Variants in PRDM11 observed in about 807,000 individuals in gnomAD.
PRDM11 encodes the protein PR/SET domain 11, also known as PR domain-containing protein 11.
A neutral mutation model predicts 97.8 loss-of-function variants in PRDM11; 20 were observed. The ratio of observed to expected loss-of-function variants is 0.20; its 90% confidence interval spans 0.14 to 0.30. PRDM11 has a LOEUF of 0.30. Ranked by LOEUF, PRDM11 falls within the 10% of genes least tolerant of loss-of-function variation. PRDM11 has a pLI of 1.00. For missense variants in PRDM11, 1,139 were observed against 1,555.2 expected (o/e 0.73, Z 4.50); for synonymous variants, 599 against 637.7 (o/e 0.94, Z 0.91).
chr11:45,214,894 A>G (rs185812711), intron 5 of PRDM11, among the ~76,000 whole-genome samples: 8 of 152,268 alleles, frequency 5.3e-5, no homozygotes, highest in Non-Finnish European at 8.8e-5. Context: ...GATTCTATAA[A>G]CTGCCAGATT....
In PRDM11 at chr11:45,157,349, G is replaced by T. The variant is rs550355287; in HGVS notation, c.-7+10472G>T. Among the ~76,000 whole-genome samples, 199 of 152,216 alleles carry T rather than the reference G, an allele frequency of 1.3e-3. 1 individual carries two copies. The highest frequency in any genetic ancestry group is 4.7e-3 in the African/African-American group (194 of 41,522). Reference sequence around the variant, plus strand: ...AAAGGAGCACACTCCTAGAGCCCTCGCATGCGCAGTTCACGGTAGGGTTCG... The same window carrying T: ...AAAGGAGCACACTCCTAGAGCCCTCTCATGCGCAGTTCACGGTAGGGTTCG... On this transcript the variant is annotated intron_variant, in intron 1 of 7. Coordinates refer to ENST00000683152, the MANE Select transcript of PRDM11 (RefSeq NM_001384648.1).
chr11:45,110,372 A>G (rs1307866801), intron 1 of PRDM11, among the ~76,000 whole-genome samples: 1 of 152,134 alleles, frequency 6.6e-6, no homozygotes, highest in Non-Finnish European at 1.5e-5. Flanking sequence ...AGGAAAACGT[A>G]AAAGGGGGGT....
chr11:45,141,450 C>T (rs771577759), intron 1 of PRDM11, among the ~76,000 whole-genome samples: 48 of 152,226 alleles, frequency 3.2e-4, no homozygotes, highest in Admixed American at 1.3e-4. Context: ...TAAATGTTTA[C>T]TGTCTTCAGC....
rs1043325665 is a variant in PRDM11 at position 45,228,230 on chromosome 11, T to G, written c.*71T>G. On this transcript the variant is annotated 3_prime_UTR_variant, in exon 8 of 8. Transcript: ENST00000683152. ...ATCTATACTCATAAGCTTTGATATA[T>G]TATATAAATATATATTATATTATAT... 22 of 461,186 alleles carry G rather than the reference T, an allele frequency of 4.8e-5. No individual in the cohort carries two copies. The highest frequency in any genetic ancestry group is 6.4e-5 in the Non-Finnish European group (22 of 341,214). The allele number at this position is 461,186 out of a possible 1,614,324, so 28.6% of individuals were successfully genotyped here. A position where few individuals can be genotyped will look rare whatever the true frequency, so the allele number is the denominator to read the frequency against.
At chr11:45,157,313 G>A (rs148452981) in intron 1 of PRDM11, among the ~76,000 whole-genome samples, 11 of 152,166 alleles carry the variant, frequency 7.2e-5, no homozygotes, top group South Asian at 2.1e-4. Context: ...TCAGGCATTC[G>A]TTCAATTCTC....
intron 1 of PRDM11, among the ~76,000 whole-genome samples, chr11:45,111,939 T>C (rs1852191051): frequency 7.3e-6 from 1 of 136,706 alleles, no homozygotes; most frequent in South Asian, 2.5e-4. Context: ...TGAGTACCTC[T>C]TTTTTTAGCT....
Position 45,219,617 on chromosome 11 carries a change from TC to T in PRDM11, c.604del (p.Gln202SerfsTer29). On this transcript the variant is annotated frameshift_variant, in exon 6 of 8. Coordinates refer to ENST00000683152, the MANE Select transcript of PRDM11 (RefSeq NM_001384648.1). LOFTEE classifies it high-confidence loss of function. The surrounding 1 kb of genome is among the most constrained non-coding windows in gnomAD (Gnocchi z 4.2). Reference sequence around the variant, plus strand: ...GAGAGGGAGCAGAACCTGCTGGCGTTCCAGCACAGTGAGCGCATCTACTTCC... The same window carrying T: ...GAGAGGGAGCAGAACCTGCTGGCGTTCAGCACAGTGAGCGCATCTACTTCC... ...REEREQNLLA[F>X]QHSERIYFRA... 1 of 1,614,100 alleles carries T rather than the reference TC, an allele frequency of 6.2e-7. No homozygotes were observed. The highest frequency in any genetic ancestry group is 8.5e-7 in the Non-Finnish European group (1 of 1,179,994).
intron 1 of PRDM11, among the ~76,000 whole-genome samples, chr11:45,107,576 C>T (rs1336181965): frequency 6.6e-6 from 1 of 151,984 alleles, no homozygotes; most frequent in Non-Finnish European, 1.5e-5. Flanking sequence ...GAGGTCTGGA[C>T]TTCTGTGCCA....
chr11:45,134,758 C>T (rs954438555), intron 1 of PRDM11, among the ~76,000 whole-genome samples: 7 of 94,574 alleles, frequency 7.4e-5, no homozygotes, highest in African/African-American at 2.1e-4. Flanking sequence ...ATTAGCCACA[C>T]ATTTTTTTTA....
intron 1 of PRDM11, among the ~76,000 whole-genome samples, chr11:45,161,599 G>C (rs1407496550): frequency 1.3e-5 from 2 of 152,262 alleles, no homozygotes; most frequent in African/African-American, 4.8e-5. Flanking sequence ...AGGGTGGGCA[G>C]GAGAAGAAAG....
chr11:45,164,478 A>G (rs6485597), intron 1 of PRDM11, among the ~76,000 whole-genome samples: 138,058 of 152,282 alleles, frequency 0.91, 63,472 homozygotes, highest in Non-Finnish European at 0.98. Context: ...GGGGGCGTGC[A>G]AGAGAAATGG....
intron 1 of PRDM11, chr11:45,147,572 A>T (rs1365510556): frequency 6.6e-6 from 1 of 152,650 alleles, no homozygotes; most frequent in Non-Finnish European, 1.5e-5. Context: ...CCCCACTCGC[A>T]GTCCCCAAGG....
At chr11:45,157,765 G>T (rs1851836796) in intron 1 of PRDM11, among the ~76,000 whole-genome samples, 1 of 152,248 alleles carries the variant, frequency 6.6e-6, no homozygotes, top group Admixed American at 6.5e-5. Flanking sequence ...GGCTGGCCAT[G>T]GCAGAACTCT....
At chr11:45,102,423 G>A (rs967094478) in intron 1 of PRDM11, among the ~76,000 whole-genome samples, 14 of 152,198 alleles carry the variant, frequency 9.2e-5, no homozygotes, top group Non-Finnish European at 1.8e-4. Context: ...ACACAGATGA[G>A]GAAAGACTAA....
chr11:45,212,334 GCGGGGGC>G, intron 5 of PRDM11: 1 of 326,318 alleles, frequency 3.1e-6, no homozygotes, highest in East Asian at 8.6e-5. Flanking sequence ...TTCTCTATGG[GCGGGGGC>G]CAAACTAGAC....
chr11:45,195,018 T>C (rs1364694548), intron 4 of PRDM11, among the ~76,000 whole-genome samples: 1 of 151,878 alleles, frequency 6.6e-6, no homozygotes, highest in Non-Finnish European at 1.5e-5. Flanking sequence ...GTTCATCATC[T>C]CCAGGCCTCA....
chr11:45,195,697 C>G (rs1341335386), intron 4 of PRDM11, among the ~76,000 whole-genome samples: 1 of 152,088 alleles, frequency 6.6e-6, no homozygotes, highest in Non-Finnish European at 1.5e-5. Flanking sequence ...CCTCAGCCTC[C>G]CAAGTAGCTG....
intron 4 of PRDM11, among the ~76,000 whole-genome samples, chr11:45,197,899 A>T (rs1853185718): frequency 6.6e-6 from 1 of 152,186 alleles, no homozygotes; most frequent in Admixed American, 6.5e-5. Flanking sequence ...GAGGGATAGC[A>T]TTAGGAGATA....
At chr11:45,118,517 C>T (rs1378181955) in intron 1 of PRDM11, among the ~76,000 whole-genome samples, 4 of 152,172 alleles carry the variant, frequency 2.6e-5, no homozygotes, top group Non-Finnish European at 4.4e-5. Flanking sequence ...TGAGTTTCCT[C>T]CCGGGAATGC....
Sources: allele counts gnomAD v4.1 joint callset (sites outside exome capture counted in the v4.1 genomes callset), GRCh38; gene constraint gnomAD v4.1.1; non-coding constraint Gnocchi (gnomAD v3.1); transcripts MANE v1.5; gene names NCBI Gene and HGNC (gene_info 2026-07-23, HGNC 2026-07-21).